B3GLCT: variants seen among roughly 807,000 people sequenced by gnomAD.
B3GLCT encodes beta-1,3-glucosyltransferase.
In B3GLCT, 65 loss-of-function variants were observed where a neutral mutation model predicts 63.4. The ratio of observed to expected loss-of-function variants is 1.03; its 90% confidence interval spans 0.84 to 1.26. The LOEUF (loss-of-function observed/expected upper bound fraction) is 1.26, where lower values mean the gene tolerates loss of function less well. B3GLCT is among the 50% of genes most tolerant of loss of function. The probability of loss-of-function intolerance (pLI) is 0.00; values close to 1 mark genes in which losing one functional copy is unlikely to be tolerated. For missense variants in B3GLCT, 577 were observed against 604.8 expected, an observed-to-expected ratio of 0.95 and a Z score of 0.48; for synonymous variants, 233 against 219.2, an observed-to-expected ratio of 1.06 and a Z score of -0.55.
At chr13:31,219,230 A>G (rs1399540530) in intron 2 of B3GLCT, among the ~76,000 whole-genome samples, 2 of 152,232 alleles carry the variant, frequency 1.3e-5, no homozygotes, top group Admixed American at 6.5e-5. Flanking sequence ...TCAGCAGCAC[A>G]TCAAAAGCTA....
intron 1 of B3GLCT, among the ~76,000 whole-genome samples, chr13:31,201,003 TA>T (rs1388058737): frequency 1.2e-3 from 118 of 94,674 alleles, no homozygotes; most frequent in African/African-American, 3.9e-3. Context: ...AACGATGTGA[TA>T]AAAGTTAAAA....
chr13:31,235,009 C>T (rs538221383), intron 4 of B3GLCT, among the ~76,000 whole-genome samples: 10 of 152,184 alleles, frequency 6.6e-5, no homozygotes, highest in South Asian at 4.1e-4. Flanking sequence ...CTGCACAGGG[C>T]GGGTTGCAGA....
chr13:31,319,061 G>T (rs1054554000), intron 13 of B3GLCT, among the ~76,000 whole-genome samples: 29 of 152,090 alleles, frequency 1.9e-4, no homozygotes, highest in African/African-American at 6.8e-4. Context: ...CCTTGTGTGG[G>T]CCAGGCACAG....
rs574334696 is a variant in B3GLCT, at chr13:31,205,467, G to A, written c.70+5313G>A. On this transcript the variant is annotated intron_variant, in intron 1 of 14. Coordinates refer to ENST00000343307, the MANE Select transcript of B3GLCT (RefSeq NM_194318.4). ...CCAGCTACTTAGGAGGCTGAGGCAG[G>A]ACAATCGCTTGAACCCAGGAGGCCG... Among the ~76,000 whole-genome samples, 6 of 152,212 alleles carry A rather than the reference G, an allele frequency of 3.9e-5. No homozygotes were observed. The East Asian group carries it at 1.2e-3, about 29-fold the overall frequency.
At chr13:31,261,396 G>A (rs1872026660) in intron 7 of B3GLCT, among the ~76,000 whole-genome samples, 2 of 152,324 alleles carry the variant, frequency 1.3e-5, no homozygotes, top group Admixed American at 6.5e-5. Flanking sequence ...CATTACTGTT[G>A]TTAAGGGATC....
In B3GLCT at chr13:31,229,254, TA is replaced by T; in HGVS notation, c.238del (p.Ser80AlafsTer3). 5.6e-6 allele frequency: 9 copies of T among 1,612,292 alleles called. No individual in the cohort carries two copies. The highest frequency in any genetic ancestry group is 1.7e-4 in the Middle Eastern group (1 of 6,058). ...TTTCATGCAAAGAGAGCAGAGCAGT[TA>T]AAAAAAAGCATCTTAAAGCAGGCTG... is the stretch of plus-strand genomic sequence containing the variant. ...NSFHAKRAEQ[L>X]KKSILKQAAD... On this transcript the variant is annotated frameshift_variant, in exon 4 of 15. Coordinates refer to ENST00000343307, the MANE Select transcript of B3GLCT (RefSeq NM_194318.4). LOFTEE classifies it high-confidence loss of function.
chr13:31,232,890 T>G lies in B3GLCT; in HGVS notation c.270+3596T>G, dbSNP rs534726297. ...TCTTCAGAACCAAGCACTGAATCCT[T>G]GAAATTCATGATCTTTTCTTTCCCA... is the stretch of plus-strand genomic sequence containing the variant. On this transcript the variant is annotated intron_variant, in intron 4 of 14. Transcript: ENST00000343307. Among the ~76,000 whole-genome samples the G allele has an allele frequency of 2.6e-5, 4 of 152,364 alleles. 1 individual carries two copies. In the South Asian group the frequency reaches 8.3e-4, roughly 32 times the overall value.
At chr13:31,312,349 T>C (rs1423964994) in intron 12 of B3GLCT, 1 of 152,232 alleles carries the variant, frequency 6.6e-6, no homozygotes, top group East Asian at 1.9e-4. Context: ...GGATACTCTA[T>C]GTGTAAGCCA....
At chr13:31,274,707 A>C in intron 9 of B3GLCT, 79 bp downstream of exon 9, 1 of 1,560,992 alleles carries the variant, frequency 6.4e-7, no homozygotes, top group Admixed American at 1.7e-5. Flanking sequence ...CTAGCACTTT[A>C]AAATGAATTT....
At chr13:31,247,203 G>T in intron 5 of B3GLCT, 104 bp downstream of exon 5, 1 of 901,662 alleles carries the variant, frequency 1.1e-6, no homozygotes, top group Non-Finnish European at 1.8e-6. Flanking sequence ...CAGTCAGTAA[G>T]TGAAGTAAAT....
chr13:31,267,609 G>A (rs929309142), intron 7 of B3GLCT, among the ~76,000 whole-genome samples: 6 of 152,080 alleles, frequency 3.9e-5, no homozygotes, highest in Non-Finnish European at 7.4e-5. Context: ...GAATGTGACA[G>A]ATATTATATG....
chr13:31,212,648 G>A (rs4605016), intron 1 of B3GLCT, among the ~76,000 whole-genome samples: 6,305 of 152,236 alleles, frequency 0.041, 148 homozygotes, highest in Non-Finnish European at 0.05. Context: ...GGCTTCAAGG[G>A]GTCCTCCTGC....
At chr13:31,214,976 A>G in intron 1 of B3GLCT, 75 bp from the exon 2 acceptor site, 2 of 1,387,376 alleles carry the variant, frequency 1.4e-6, no homozygotes, top group Middle Eastern at 2.0e-4. Flanking sequence ...TATTATAAGC[A>G]AAACTGTTGG....
chr13:31,220,967 A>G (rs78496574), intron 2 of B3GLCT, among the ~76,000 whole-genome samples: 1,765 of 152,276 alleles, frequency 0.012, 33 homozygotes, highest in African/African-American at 0.037. Flanking sequence ...CTCAAAATCT[A>G]TTCACATCTA....
intron 2 of B3GLCT, among the ~76,000 whole-genome samples, chr13:31,222,611 C>A (rs1265054284): frequency 1.3e-5 from 2 of 152,334 alleles, no homozygotes; most frequent in Middle Eastern, 3.4e-3. Flanking sequence ...GTTTACAGGG[C>A]TTTAAAAATG....
chr13:31,202,955 T>C (rs1448041897), intron 1 of B3GLCT, among the ~76,000 whole-genome samples: 2 of 152,240 alleles, frequency 1.3e-5, no homozygotes, highest in African/African-American at 2.4e-5. Context: ...TGAGATTATA[T>C]GCAGCCAAAC....
At chr13:31,245,585 A>G (rs1407269987) in intron 4 of B3GLCT, among the ~76,000 whole-genome samples, 2 of 152,156 alleles carry the variant, frequency 1.3e-5, no homozygotes, top group Non-Finnish European at 2.9e-5. Context: ...TTTTCATCAT[A>G]ATTTTAATTG....
chr13:31,314,721 G>C (rs1197978471), intron 12 of B3GLCT, among the ~76,000 whole-genome samples: 2 of 152,184 alleles, frequency 1.3e-5, no homozygotes, highest in Non-Finnish European at 2.9e-5. Context: ...GGGGACTGTT[G>C]GGAAAGCATG....
Position 31,317,641 on chromosome 13 carries a change from C to A in B3GLCT, c.1140C>A (p.Tyr380Ter), listed in dbSNP as rs199908878. The A allele has an allele frequency of 1.6e-5, 26 of 1,614,026 alleles. No individual in the cohort carries two copies. Among genetic ancestry groups the A allele is most frequent in the Non-Finnish European group, 2.1e-5 (25 of 1,179,958 alleles). Reference protein sequence around the residue: ...EPVFLGERYGYGLGTGGYSYI... With the variant: ...EPVFLGERYG ...TGTTTCTGGGAGAGCGCTACGGCTA[C>A]GGCCTGGGCACTGGTGGCTACAGCT... Residue 380 changes from tyrosine to a stop codon, truncating the protein, a stop_gained, in exon 13 of 15, where the codon TAC (tyrosine) becomes TAA (stop). Coordinates refer to ENST00000343307, the MANE Select transcript of B3GLCT (RefSeq NM_194318.4). LOFTEE classifies it high-confidence loss of function.
Sources: allele counts gnomAD v4.1 joint callset (sites outside exome capture counted in the v4.1 genomes callset), GRCh38; gene constraint gnomAD v4.1.1; transcripts MANE v1.5; gene names NCBI Gene and HGNC (gene_info 2026-07-23, HGNC 2026-07-21).